TRIM33: variants seen among roughly 807,000 people sequenced by gnomAD.
The protein encoded by TRIM33 is tripartite motif containing 33, also known as E3 ubiquitin-protein ligase TRIM33.
Under a neutral mutation model 125.4 loss-of-function variants are expected in TRIM33, and 20 were observed. The ratio of observed to expected loss-of-function variants is 0.16; its 90% CI spans 0.11 to 0.23. The LOEUF (loss-of-function observed/expected upper bound fraction) is 0.23. Ranked by LOEUF, TRIM33 falls within the 10% of genes least tolerant of loss-of-function variation. The pLI is 1.00. For synonymous variants in TRIM33, 564 were observed against 513.9 expected, an observed-to-expected ratio of 1.10 and a Z score of -1.32; for missense variants, 920 against 1,411.4, an observed-to-expected ratio of 0.65 and a Z score of 5.58.
intron 14 of TRIM33, 76 bp from the exon 15 acceptor site, chr1:114,405,835 T>G (rs931612597): frequency 2.1e-5 from 26 of 1,237,596 alleles, no homozygotes; most frequent in Non-Finnish European, 2.8e-5. Flanking sequence ...TTAACAGTTA[T>G]GTGAATATGC....
chr1:114,493,669 A>G (rs1652201525), intron 1 of TRIM33, among the ~76,000 whole-genome samples: 1 of 151,392 alleles, frequency 6.6e-6, no homozygotes, highest in Admixed American at 6.6e-5. Flanking sequence ...ATCCAGTTGT[A>G]CCAACATCCT....
At chr1:114,430,524 G>C (rs1328768374) in intron 6 of TRIM33, among the ~76,000 whole-genome samples, 1 of 152,138 alleles carries the variant, frequency 6.6e-6, no homozygotes, top group African/African-American at 2.4e-5. Context: ...TTACAGGTGT[G>C]AGTCACCATA....
intron 4 of TRIM33, among the ~76,000 whole-genome samples, chr1:114,447,150 C>A (rs1193846585): frequency 6.6e-6 from 1 of 152,080 alleles, no homozygotes; most frequent in Non-Finnish European, 1.5e-5. Flanking sequence ...AGGATTCACT[C>A]TAGCAGTTGT....
chr1:114,506,235 T>C (rs768340782), intron 1 of TRIM33, among the ~76,000 whole-genome samples: 3 of 151,480 alleles, frequency 2.0e-5, no homozygotes, highest in Non-Finnish European at 2.9e-5. Context: ...TACAAAAAAT[T>C]AGGTGGGCAT....
At chr1:114,472,605 C>A (rs570188518) in intron 1 of TRIM33, among the ~76,000 whole-genome samples, 1 of 152,232 alleles carries the variant, frequency 6.6e-6, no homozygotes, top group South Asian at 2.1e-4. Context: ...TGGTACCTGC[C>A]TGTAATCCCA....
intron 4 of TRIM33, among the ~76,000 whole-genome samples, chr1:114,447,291 A>T (rs968626415): frequency 9.2e-5 from 14 of 152,148 alleles, no homozygotes; most frequent in African/African-American, 3.1e-4. Context: ...TTGGTGATAT[A>T]TTTTGAAGGT....
intron 4 of TRIM33, among the ~76,000 whole-genome samples, chr1:114,450,306 A>G (rs925319356): frequency 1.3e-5 from 2 of 151,602 alleles, no homozygotes; most frequent in African/African-American, 4.9e-5. Context: ...TCATCTCCCG[A>G]CTTTCTTTTA....
At chr1:114,440,393 T>C (rs1648580643) in intron 4 of TRIM33, among the ~76,000 whole-genome samples, 1 of 150,968 alleles carries the variant, frequency 6.6e-6, no homozygotes, top group Non-Finnish European at 1.5e-5. Flanking sequence ...AGAGGAAAGT[T>C]CATAGTTTTA....
chr1:114,469,782 C>CA (rs1233401782), intron 1 of TRIM33, among the ~76,000 whole-genome samples: 3 of 151,890 alleles, frequency 2.0e-5, no homozygotes, highest in Non-Finnish European at 4.4e-5. Context: ...CCCACTCTTA[C>CA]AAAAAACTTG....
intron 1 of TRIM33, among the ~76,000 whole-genome samples, chr1:114,497,536 G>A (rs1652444208): frequency 6.6e-6 from 1 of 152,128 alleles, no homozygotes; most frequent in South Asian, 2.1e-4. Flanking sequence ...CCTGACCTCA[G>A]GTGATCTGTC....
intron 1 of TRIM33, among the ~76,000 whole-genome samples, chr1:114,506,616 C>G (rs1653020548): frequency 6.6e-6 from 1 of 152,180 alleles, no homozygotes; most frequent in Admixed American, 6.5e-5. Flanking sequence ...TATCCTCCCG[C>G]CTCAGCCTCC....
At chr1:114,478,695 A>G (rs1461300739) in intron 1 of TRIM33, among the ~76,000 whole-genome samples, 2 of 152,242 alleles carry the variant, frequency 1.3e-5, no homozygotes, top group Non-Finnish European at 2.9e-5. Flanking sequence ...TATAAAAAGA[A>G]GCCACACAGA....
chr1:114,485,153 G>T (rs1235667029), intron 1 of TRIM33, among the ~76,000 whole-genome samples: 1 of 152,064 alleles, frequency 6.6e-6, no homozygotes, highest in Non-Finnish European at 1.5e-5. Context: ...GGAATTAAAA[G>T]CATGAATTTA....
chr1:114,449,480 G>GT (rs1306608824), intron 4 of TRIM33, among the ~76,000 whole-genome samples: 1 of 152,120 alleles, frequency 6.6e-6, no homozygotes, highest in Non-Finnish European at 1.5e-5. Context: ...GATAAAAAAT[G>GT]TAACAATATT....
chr1:114,403,554 G>T (rs966497238), intron 15 of TRIM33, among the ~76,000 whole-genome samples: 2 of 151,494 alleles, frequency 1.3e-5, no homozygotes, highest in Non-Finnish European at 2.9e-5. Context: ...TATTTTTTTT[G>T]AGACACAGTT....
chr1:114,436,226 C>A (rs1572053017), intron 4 of TRIM33, among the ~76,000 whole-genome samples: 1 of 151,170 alleles, frequency 6.6e-6, no homozygotes, highest in African/African-American at 2.4e-5. Context: ...CATGGTGAAA[C>A]CCTGTCTCTA....
At chr1:114,491,116 A>G (rs1277263319) in intron 1 of TRIM33, among the ~76,000 whole-genome samples, 1 of 152,222 alleles carries the variant, frequency 6.6e-6, no homozygotes, top group Non-Finnish European at 1.5e-5. Context: ...CTCAGAATAT[A>G]CTAAAAACTA....
In TRIM33 at chr1:114,478,380, C is replaced by T. The variant is rs556575282; in HGVS notation, c.527-13992G>A. Among the ~76,000 whole-genome samples, 3 of 152,166 alleles carry T rather than the reference C, an allele frequency of 2.0e-5. No individual in the cohort carries two copies. The South Asian group carries it at 6.2e-4, about 32-fold the overall frequency. On this transcript the variant is annotated intron_variant, in intron 1 of 19. Coordinates refer to ENST00000358465, the MANE Select transcript of TRIM33 (RefSeq NM_015906.4). ...ATCTGTCTGGAAAGAACAGGTTTTG[C>T]TATACCTGGGTTGGGGGTCACACAG...
chr1:114,448,141 G>A (rs138863556), intron 4 of TRIM33, among the ~76,000 whole-genome samples: 46 of 152,286 alleles, frequency 3.0e-4, no homozygotes, highest in African/African-American at 1.0e-3. Flanking sequence ...GCAGAAAGAA[G>A]GGCAAATTTC....
Sources: allele counts gnomAD v4.1 joint callset (sites outside exome capture counted in the v4.1 genomes callset), GRCh38; gene constraint gnomAD v4.1.1; transcripts MANE v1.5; gene names NCBI Gene and HGNC (gene_info 2026-07-23, HGNC 2026-07-21).